The following KIF9 variants were observed in gnomAD, a reference collection of about 807,000 sequenced individuals.
KIF9 encodes the protein kinesin-like protein KIF9.
In KIF9, 68 loss-of-function variants were observed where a neutral mutation model predicts 94.8. The ratio of observed to expected loss-of-function variants is 0.72; its 90% confidence interval spans 0.59 to 0.88. The LOEUF (loss-of-function observed/expected upper bound fraction) is 0.88. Among genes scored for constraint, KIF9 ranks in the 40% least tolerant of loss-of-function variants. The pLI is 0.00. For synonymous variants in KIF9, 343 were observed against 362.1 expected (o/e 0.95, Z 0.60); for missense variants, 882 against 982.5 (o/e 0.90, Z 1.37).
chr3:47,242,102 A>G (rs945952062), intron 16 of KIF9, among the ~76,000 whole-genome samples: 1 of 151,594 alleles, frequency 6.6e-6, no homozygotes, highest in East Asian at 1.9e-4. Flanking sequence ...AGGCTCTCCA[A>G]CTCCTGGGTT....
At chr3:47,248,450 T>C (rs77289007) in intron 10 of KIF9, among the ~76,000 whole-genome samples, 1 of 148,830 alleles carries the variant, frequency 6.7e-6, no homozygotes. Flanking sequence ...GAATGCTTTC[T>C]TTTTTTTTTG....
chr3:47,234,494 A>G (rs1698862641), intron 20 of KIF9, among the ~76,000 whole-genome samples: 1 of 151,696 alleles, frequency 6.6e-6, no homozygotes, highest in Non-Finnish European at 1.5e-5. Flanking sequence ...TCAGCCTCCC[A>G]AAGTGCTGGG....
At chr3:47,267,764 G>A (rs1701376193) in intron 5 of KIF9, among the ~76,000 whole-genome samples, 1 of 151,770 alleles carries the variant, frequency 6.6e-6, no homozygotes, top group Non-Finnish European at 1.5e-5. Flanking sequence ...TTCTGGGTTG[G>A]GGTTTATAGG....
chr3:47,245,350 G>A (rs969375636), intron 14 of KIF9, 71 bp downstream of exon 14: 1 of 1,127,670 alleles, frequency 8.9e-7, no homozygotes, highest in Admixed American at 1.7e-5. Flanking sequence ...ATTAATACTT[G>A]CTGGCTCTGC....
Position 47,248,091 on chromosome 3 carries a change from C to T in KIF9, c.1060-5G>A, listed in dbSNP as rs377168732. 1.5e-5 allele frequency: 24 copies of T among 1,612,062 alleles called. No homozygotes were observed. The highest frequency in any genetic ancestry group is 5.5e-5 in the South Asian group (5 of 90,964). ...CTCCAGGTTCTTGACCATTCTCTGC[C>T]GGGAAACATGGTAGGGTGGGGGCCG... On this transcript the variant is annotated splice_region_variant and splice_polypyrimidine_tract_variant and intron_variant, in intron 10 of 20. Coordinates refer to ENST00000684063, the MANE Select transcript of KIF9 (RefSeq NM_182902.4).
In KIF9 at chr3:47,265,834, G is replaced by A. The variant is rs749537589; in HGVS notation, c.812C>T (p.Ser271Leu). ...VLKEATYINK[S>L]LSFLEQAIIA... ...GATGGCCTGCTCCAGGAATGAGAGCGATTTGTTGATGTAGGTGGCTTCCTT... is the reference window on the plus strand; with the variant it reads ...GATGGCCTGCTCCAGGAATGAGAGCAATTTGTTGATGTAGGTGGCTTCCTT... Residue 271 changes from serine to leucine, a missense_variant, in exon 8 of 21, where the codon TCG (serine) becomes TTG (leucine). By Grantham distance (145) the Ser-to-Leu change is moderately radical. Transcript: ENST00000684063. The A allele has an allele frequency of 4.3e-6, 7 of 1,614,082 alleles. No individual in the cohort carries two copies. The highest frequency in any genetic ancestry group is 2.7e-5 in the African/African-American group (2 of 74,924).
intron 14 of KIF9, chr3:47,245,203 G>A (rs565405634): frequency 5.3e-5 from 32 of 600,152 alleles, no homozygotes; most frequent in African/African-American, 1.5e-4. Flanking sequence ...CCAGGAAATC[G>A]TCTTTAATAT....
chr3:47,235,399 A>C (rs1482161998), intron 20 of KIF9, 114 bp downstream of exon 20: 2 of 759,310 alleles, frequency 2.6e-6, no homozygotes, highest in African/African-American at 3.4e-5. Context: ...AGGGTGACTA[A>C]TCTCCTTGGA....
At chr3:47,276,175 T>C (rs1024036) in intron 2 of KIF9, among the ~76,000 whole-genome samples, 144,994 of 152,272 alleles carry the variant, frequency 0.95, 69,442 homozygotes, top group East Asian at 1. Flanking sequence ...TGAGAACTTC[T>C]GATGTAAAGA....
chr3:47,273,701 C>G, intron 3 of KIF9, 43 bp from the exon 4 acceptor site: 1 of 1,526,274 alleles, frequency 6.6e-7, no homozygotes, highest in Non-Finnish European at 9.0e-7. Context: ...GAAAATAGCT[C>G]CAAGGATAAC....
chr3:47,233,828 G>A (rs1010245813), intron 20 of KIF9, among the ~76,000 whole-genome samples: 4 of 152,028 alleles, frequency 2.6e-5, no homozygotes, highest in Admixed American at 1.3e-4. Flanking sequence ...GGTGGCTCAC[G>A]CCTGTAATCC....
intron 10 of KIF9, among the ~76,000 whole-genome samples, chr3:47,256,021 C>T (rs1264588855): frequency 6.6e-6 from 1 of 152,222 alleles, no homozygotes; most frequent in African/African-American, 2.4e-5. Context: ...CCCGGCCTCC[C>T]GAGGTGCCGG....
At chr3:47,264,155 C>T (rs779730833) in intron 9 of KIF9, 131 bp downstream of exon 9, 3 of 724,848 alleles carry the variant, frequency 4.1e-6, no homozygotes, top group Non-Finnish European at 7.5e-6. Flanking sequence ...GGCTCAGACT[C>T]ACCCCTGGAT....
In KIF9 at chr3:47,265,685, A is replaced by G. The variant is rs1701245827; in HGVS notation, c.916+45T>C. On this transcript the variant is annotated intron_variant, in intron 8 of 20. Coordinates refer to ENST00000684063, the MANE Select transcript of KIF9 (RefSeq NM_182902.4). ...AGATGTGCCAAACCTGTCCCTCCCC[A>G]AAGACACAGACCCTCCTCCCTGGGC... 12 of 1,601,794 alleles carry G rather than the reference A, an allele frequency of 7.5e-6. No individual in the cohort carries two copies. In the East Asian group the frequency reaches 2.5e-4, roughly 33 times the overall value.
In KIF9 at chr3:47,247,994, CCTT is replaced by C. The variant is rs763412249; in HGVS notation, c.1128+21_1128+23del. 3.8e-6 allele frequency: 6 copies of C among 1,593,838 alleles called. No homozygotes were observed. The African/African-American group carries it at 4.0e-5, about 11-fold the overall frequency. On this transcript the variant is annotated intron_variant, in intron 11 of 20. Coordinates refer to ENST00000684063, the MANE Select transcript of KIF9 (RefSeq NM_182902.4). ...CCCCCTACCCCAGCACCTCTGCCCT[CCTT>C]CTTTGCCTCTAGCCTCTTACCAGGC... is the stretch of plus-strand genomic sequence containing the variant.
intron 9 of KIF9, among the ~76,000 whole-genome samples, chr3:47,262,466 C>T (rs1193340494): frequency 6.6e-6 from 1 of 152,088 alleles, no homozygotes; most frequent in Non-Finnish European, 1.5e-5. Context: ...GACAGCGTTT[C>T]ACCATGTTGG....
chr3:47,236,476 G>A lies in KIF9; in HGVS notation c.2068C>T (p.Leu690=), dbSNP rs753571024. The stretch of plus-strand genomic sequence containing the variant: ...AGGCGGTGGCGACACTGATCCACTA[G>A]GTGCTGGCAATACTGGATCTCAGCC... ...LRAEIQYCQH[L]VDQCRHRLLM... is the part of the protein sequence containing the mutation. Residue 690 remains leucine, a synonymous_variant, in exon 18 of 21, where the codon CTA becomes TTA. Transcript: ENST00000684063. The A allele has an allele frequency of 7.4e-6, 12 of 1,613,554 alleles. No homozygotes were observed. Among genetic ancestry groups the A allele is most frequent in the African/African-American group, 2.7e-5 (2 of 75,014 alleles).
intron 1 of KIF9, among the ~76,000 whole-genome samples, chr3:47,280,283 C>T (rs1702246669): frequency 6.6e-6 from 1 of 152,174 alleles, no homozygotes; most frequent in Admixed American, 6.5e-5. Context: ...ATTCTCCTGC[C>T]CAGGGAAATT....
chr3:47,236,046 C>T lies in KIF9; in HGVS notation c.2205G>A (p.Arg735=). ...SIRPGMVPVN[R]IVSLGEDDQD... is the part of the protein sequence containing the mutation. ...CTGTGCCGCTCACCAGAGACACAAT[C>T]CTGTTCACAGGGACCATGCCTGGCC... Residue 735 remains arginine (R), a synonymous_variant, in exon 19 of 21, where the codon AGG becomes AGA. Transcript: ENST00000684063. The T allele has an allele frequency of 6.2e-7, 1 of 1,613,698 alleles. No individual in the cohort carries two copies. Among genetic ancestry groups the T allele is most frequent in the East Asian group, 2.2e-5 (1 of 44,874 alleles).
Sources: gnomAD v4.1 joint callset for allele counts (sites outside exome capture counted in the v4.1 genomes callset) on GRCh38, gnomAD v4.1.1 for gene constraint, MANE v1.5 for transcripts, NCBI Gene and HGNC (gene_info 2026-07-23, HGNC 2026-07-21) for gene names.